The following FOXK1 variants were observed in gnomAD, a reference collection of about 807,000 sequenced individuals.
FOXK1 encodes forkhead box protein K1.
In FOXK1, 19 loss-of-function variants were observed where a neutral mutation model predicts 51.9. That is an observed-to-expected ratio of 0.37 (90% confidence interval 0.26 to 0.54). FOXK1 has a LOEUF of 0.54. FOXK1 is among the 20% of genes least tolerant of loss of function. The pLI is 0.87. For missense variants in FOXK1, 870 were observed against 1,032.7 expected (o/e 0.84, Z 2.16); for synonymous variants, 537 against 482.6 (o/e 1.11, Z -1.48).
rs1176609469 is a variant in FOXK1 at position 4,748,374 on chromosome 7, T to A, written c.747-6085T>A. On this transcript the variant is annotated intron_variant, in intron 2 of 8. Transcript: ENST00000328914. This position sits in a 1 kb window ranked among gnomAD's most constrained non-coding sequence, Gnocchi z 4.9. ...CCCAGTAAAGTTACATCATCATGTC[T>A]GGTTTACCTTGCATGAGCGTTTTCT... Among the ~76,000 whole-genome samples, 1 of 152,246 alleles carries A rather than the reference T, an allele frequency of 6.6e-6. No individual in the cohort carries two copies. The highest frequency in any genetic ancestry group is 1.9e-4 in the East Asian group (1 of 5,194).
chr7:4,755,094 G>T lies in FOXK1; in HGVS notation c.904-143G>T, dbSNP rs1780829056. On this transcript the variant is annotated intron_variant, in intron 3 of 8. Coordinates refer to ENST00000328914, the MANE Select transcript of FOXK1 (RefSeq NM_001037165.2). This position sits in a 1 kb window ranked among gnomAD's most constrained non-coding sequence, Gnocchi z 6.6. ...TAGTTGAATGCAAGCACATTAATGG[G>T]ATAGTTGGAGGGCACTGGGACGGGT... is the stretch of plus-strand genomic sequence containing the variant. The T allele has an allele frequency of 1.0e-6, 1 of 987,594 alleles. No individual in the cohort carries two copies. Among genetic ancestry groups the T allele is most frequent in the Non-Finnish European group, 1.5e-6 (1 of 688,316 alleles). The allele number at this position is 987,594 out of a possible 1,614,324, so 61.2% of individuals were successfully genotyped here.
In FOXK1 at chr7:4,734,747, TC is replaced by T. The variant is rs776298443; in HGVS notation, c.561-6090del. On this transcript the variant is annotated intron_variant, in intron 1 of 8. Transcript: ENST00000328914. This position sits in a 1 kb window ranked among gnomAD's most constrained non-coding sequence, Gnocchi z 5.2. ...TCTGGTCCTCCTGCAGAATTTCAGG[TC>T]GCAAGGCTATTTTTGGCGTGAGATG... 5.9e-5 allele frequency among the ~76,000 whole-genome samples: 9 copies of T among 152,166 alleles called. No homozygotes were observed. The highest frequency in any genetic ancestry group is 2.0e-4 in the Admixed American group (3 of 15,272).
chr7:4,713,208 T>C (rs554842277), intron 1 of FOXK1, among the ~76,000 whole-genome samples: 7 of 152,342 alleles, frequency 4.6e-5, no homozygotes, highest in East Asian at 1.9e-4. Flanking sequence ...TCACAGCCCA[T>C]TGTGTAATTT....
intron 1 of FOXK1, among the ~76,000 whole-genome samples, chr7:4,724,902 C>G (rs1780358438): frequency 1.3e-5 from 2 of 152,224 alleles, no homozygotes; most frequent in African/African-American, 4.8e-5. Flanking sequence ...ATTGCTGGCC[C>G]CCAGCTGCAA....
In FOXK1 at chr7:4,758,066, T is replaced by C. The variant is rs1780878725; in HGVS notation, c.1244+879T>C. 6.6e-6 allele frequency: 1 copy of C among 152,232 alleles called. No homozygotes were observed. Among genetic ancestry groups the C allele is most frequent in the Non-Finnish European group, 1.5e-5 (1 of 68,040 alleles). The allele number at this position is 152,232 out of a possible 1,614,324, so 9.4% of individuals were successfully genotyped here. ...AACGGTTCCTAAGGCCAAGAATAAA[T>C]GGATTGCGGTTGTGGGTCTTTTGGT... On this transcript the variant is annotated intron_variant, in intron 5 of 8. Transcript: ENST00000328914. The surrounding 1 kb of genome is among the most constrained non-coding windows in gnomAD (Gnocchi z 4.4).
In FOXK1 at chr7:4,749,425, C is replaced by A. The variant is rs1026710179; in HGVS notation, c.747-5034C>A. On this transcript the variant is annotated intron_variant, in intron 2 of 8. Coordinates refer to ENST00000328914, the MANE Select transcript of FOXK1 (RefSeq NM_001037165.2). The surrounding 1 kb of genome is among the most constrained non-coding windows in gnomAD (Gnocchi z 6.0). ...AGAGCGGCTGGTATTGGAGCAGGGG[C>A]TGGGGCAGGGACCCCAAGCGTCCTC... Among the ~76,000 whole-genome samples, 8 of 152,198 alleles carry A rather than the reference C, an allele frequency of 5.3e-5. No homozygotes were observed. The highest frequency in any genetic ancestry group is 1.9e-4 in the African/African-American group (8 of 41,450).
chr7:4,707,650 G>A lies in FOXK1; in HGVS notation c.560+24782G>A, dbSNP rs1468549876. Reference sequence around the variant, plus strand: ...GTTGGCGTGTTCCCCGGTGCCATTCGTATCTGATTCATGCGTGTGCGACCA... The same window carrying A: ...GTTGGCGTGTTCCCCGGTGCCATTCATATCTGATTCATGCGTGTGCGACCA... On this transcript the variant is annotated intron_variant, in intron 1 of 8. Transcript: ENST00000328914. The surrounding 1 kb of genome is among the most constrained non-coding windows in gnomAD (Gnocchi z 4.1). Among the ~76,000 whole-genome samples the A allele has an allele frequency of 1.3e-5, 2 of 151,516 alleles. No individual in the cohort carries two copies. Among genetic ancestry groups the A allele is most frequent in the Admixed American group, 6.6e-5 (1 of 15,220 alleles).
At chr7:4,752,495 A>G (rs1291356743) in intron 2 of FOXK1, among the ~76,000 whole-genome samples, 4 of 152,264 alleles carry the variant, frequency 2.6e-5, no homozygotes, top group Non-Finnish European at 5.9e-5. Flanking sequence ...GAACAGGAGC[A>G]GGTCCCTGCC....
intron 1 of FOXK1, among the ~76,000 whole-genome samples, chr7:4,719,178 C>T (rs1379445443): frequency 6.6e-6 from 1 of 150,522 alleles, no homozygotes; most frequent in African/African-American, 2.5e-5. Context: ...CTCTGTTGCC[C>T]AGCTGGAGTG....
At chr7:4,687,368 CT>C (rs1583178589) in intron 1 of FOXK1, among the ~76,000 whole-genome samples, 1 of 152,224 alleles carries the variant, frequency 6.6e-6, no homozygotes, top group East Asian at 1.9e-4. Context: ...TCTCAGCTCA[CT>C]GAAACCTCCG....
Position 4,711,571 on chromosome 7 carries a change from T to C in FOXK1, c.560+28703T>C, listed in dbSNP as rs1412080005. Reference sequence around the variant, plus strand: ...GGCAGAAGCTCCTAGAGCAGTTGGATGGGGAGATCAGAGTGGGTCTCAAGA... The same window carrying C: ...GGCAGAAGCTCCTAGAGCAGTTGGACGGGGAGATCAGAGTGGGTCTCAAGA... On this transcript the variant is annotated intron_variant, in intron 1 of 8. Transcript: ENST00000328914. This position sits in a 1 kb window ranked among gnomAD's most constrained non-coding sequence, Gnocchi z 6.3. Among the ~76,000 whole-genome samples, 1 of 152,088 alleles carries C rather than the reference T, an allele frequency of 6.6e-6. No homozygotes were observed. The highest frequency in any genetic ancestry group is 1.5e-5 in the Non-Finnish European group (1 of 68,004).
At position 4,722,993 on chromosome 7, in the gene FOXK1, A is replaced by G. The variant is rs1257735399; in HGVS notation, c.561-17845A>G. Among the ~76,000 whole-genome samples the G allele has an allele frequency of 6.6e-6, 1 of 152,082 alleles. No individual in the cohort carries two copies. Among genetic ancestry groups the G allele is most frequent in the Non-Finnish European group, 1.5e-5 (1 of 68,012 alleles). On this transcript the variant is annotated intron_variant, in intron 1 of 8. Coordinates refer to ENST00000328914, the MANE Select transcript of FOXK1 (RefSeq NM_001037165.2). This position sits in a 1 kb window ranked among gnomAD's most constrained non-coding sequence, Gnocchi z 5.1. ...AGGTGGCCGACGCAGGCACCCTCAG[A>G]TCTGAGATCCAGACAAGAGGCAGCG...
chr7:4,728,772 T>C lies in FOXK1; in HGVS notation c.561-12066T>C, dbSNP rs145568348. Reference sequence around the variant, plus strand: ...AAAAAGAAAGAAAAGAAAACGTATTTTTCTTAAGTCGGGCATGAGAGTGAG... The same window carrying C: ...AAAAAGAAAGAAAAGAAAACGTATTCTTCTTAAGTCGGGCATGAGAGTGAG... On this transcript the variant is annotated intron_variant, in intron 1 of 8. Coordinates refer to ENST00000328914, the MANE Select transcript of FOXK1 (RefSeq NM_001037165.2). 6.4e-3 allele frequency among the ~76,000 whole-genome samples: 977 copies of C among 151,884 alleles called. 15 individuals carry two copies. Among genetic ancestry groups the C allele is most frequent in the African/African-American group, 0.022 (930 of 41,362 alleles).
At chr7:4,740,225 T>G (rs1305757256) in intron 1 of FOXK1, among the ~76,000 whole-genome samples, 1 of 151,920 alleles carries the variant, frequency 6.6e-6, no homozygotes, top group Non-Finnish European at 1.5e-5. Context: ...GGTCAGGAGA[T>G]CGAGACCATC....
chr7:4,732,471 A>G (rs112604427), intron 1 of FOXK1, among the ~76,000 whole-genome samples: 436 of 152,110 alleles, frequency 2.9e-3, no homozygotes, highest in African/African-American at 7.8e-3. Context: ...TTCTTAAACA[A>G]TTTTTAGAGA....
intron 1 of FOXK1, among the ~76,000 whole-genome samples, chr7:4,727,024 A>G (rs1780389418): frequency 6.6e-6 from 1 of 152,062 alleles, no homozygotes; most frequent in Non-Finnish European, 1.5e-5. Context: ...AACCCATTGC[A>G]GCCTTGAATT....
Position 4,761,294 on chromosome 7 carries a change from G to C in FOXK1, c.1921+6G>C. The C allele has an allele frequency of 1.2e-6, 2 of 1,609,066 alleles. No individual in the cohort carries two copies. Among genetic ancestry groups the C allele is most frequent in the Non-Finnish European group, 1.7e-6 (2 of 1,178,928 alleles). ...TTTAGCCGGCAACGCTTACGGTGAG[G>C]CCCTGGCCCTGTTCTCCATGCCACA... On this transcript the variant is annotated splice_donor_region_variant and intron_variant, in intron 8 of 8. Coordinates refer to ENST00000328914, the MANE Select transcript of FOXK1 (RefSeq NM_001037165.2). This position sits in a 1 kb window ranked among gnomAD's most constrained non-coding sequence, Gnocchi z 6.2.
At chr7:4,728,729 TG>T (rs1780411989) in intron 1 of FOXK1, among the ~76,000 whole-genome samples, 2 of 50,354 alleles carry the variant, frequency 4.0e-5, no homozygotes, top group African/African-American at 1.2e-4. Flanking sequence ...CGTCTCTTTT[TG>T]AAAAAAAAAA....
chr7:4,730,509 T>C lies in FOXK1; in HGVS notation c.561-10329T>C, dbSNP rs1449960191. 6.6e-6 allele frequency among the ~76,000 whole-genome samples: 1 copy of C among 152,230 alleles called. No homozygotes were observed. Reference sequence around the variant, plus strand: ...CGTGGTTTGCAGGCACCAGTGCTGGTTCCGTGTCTGTCGGGGAGGGGATGG... The same window carrying C: ...CGTGGTTTGCAGGCACCAGTGCTGGCTCCGTGTCTGTCGGGGAGGGGATGG... On this transcript the variant is annotated intron_variant, in intron 1 of 8. Coordinates refer to ENST00000328914, the MANE Select transcript of FOXK1 (RefSeq NM_001037165.2). This position sits in a 1 kb window ranked among gnomAD's most constrained non-coding sequence, Gnocchi z 4.7.
Sources: allele counts gnomAD v4.1 joint callset (sites outside exome capture counted in the v4.1 genomes callset), GRCh38; gene constraint gnomAD v4.1.1; non-coding constraint Gnocchi (gnomAD v3.1); transcripts MANE v1.5; gene names NCBI Gene and HGNC (gene_info 2026-07-23, HGNC 2026-07-21).